The following MEIS2 variants were observed in gnomAD, a reference collection of about 807,000 sequenced individuals.
MEIS2 encodes homeobox protein Meis2.
Under a neutral mutation model 58.6 loss-of-function variants are expected in MEIS2, and 9 were observed. The observed-to-expected ratio is 0.15, with a 90% CI of 0.09 to 0.27. The LOEUF is 0.27. Among genes scored for constraint, MEIS2 ranks in the 10% least tolerant of loss-of-function variants. MEIS2 has a pLI of 1.00. For missense variants in MEIS2, 427 were observed against 635.0 expected, an observed-to-expected ratio of 0.67 and a Z score of 3.52; for synonymous variants, 221 against 228.4, an observed-to-expected ratio of 0.97 and a Z score of 0.29.
At chr15:37,025,753 CA>C (rs35154978) in intron 8 of MEIS2, among the ~76,000 whole-genome samples, 1,017 of 96,752 alleles carry the variant, frequency 0.011, 6 homozygotes, top group African/African-American at 0.025. Context: ...ACTTGCTCTG[CA>C]AAAAAAAAAA....
At chr15:36,915,372 T>A (rs1489862324) in intron 9 of MEIS2, among the ~76,000 whole-genome samples, 2 of 152,358 alleles carry the variant, frequency 1.3e-5, no homozygotes, top group Non-Finnish European at 2.9e-5. Context: ...GGAAGCTCTC[T>A]ACCTTGCTGA....
At chr15:36,944,474 T>C (rs564945729) in intron 9 of MEIS2, among the ~76,000 whole-genome samples, 1 of 152,096 alleles carries the variant, frequency 6.6e-6, no homozygotes, top group Non-Finnish European at 1.5e-5. Context: ...TGCTCTAGTT[T>C]AGCAAAAGAC....
intron 9 of MEIS2, among the ~76,000 whole-genome samples, chr15:36,922,746 G>A (rs911434393): frequency 2.1e-4 from 32 of 149,992 alleles, no homozygotes; most frequent in South Asian, 2.1e-4. Context: ...TCAGCTTCCC[G>A]AGTAGCTGGC....
At chr15:37,010,933 A>G (rs1183461638) in intron 8 of MEIS2, among the ~76,000 whole-genome samples, 2 of 152,226 alleles carry the variant, frequency 1.3e-5, no homozygotes, top group African/African-American at 4.8e-5. Flanking sequence ...GTTCACAAAC[A>G]CCGTCATTCT....
Position 36,920,258 on chromosome 15 carries a change from TCCTG to T in MEIS2, c.978-23576_978-23573del, listed in dbSNP as rs1356215563. Among the ~76,000 whole-genome samples the T allele has an allele frequency of 3.5e-4, 54 of 152,268 alleles. 1 individual carries two copies. Among genetic ancestry groups the T allele is most frequent in the Admixed American group, 3.5e-3 (53 of 15,302 alleles). ...TCCACCTCCCGGGTTCAAGCGATTC[TCCTG>T]CCTCAGTCTCCCTAGTAGCTGGGAT... is the stretch of plus-strand genomic sequence containing the variant. On this transcript the variant is annotated intron_variant, in intron 9 of 11. Transcript: ENST00000561208.
chr15:36,948,306 T>C (rs2058642159), intron 9 of MEIS2, among the ~76,000 whole-genome samples: 1 of 151,878 alleles, frequency 6.6e-6, no homozygotes, highest in Non-Finnish European at 1.5e-5. Context: ...CTGAACTCCG[T>C]GTATATGCCT....
intron 9 of MEIS2, among the ~76,000 whole-genome samples, chr15:36,907,122 CTA>C (rs1185122329): frequency 1.3e-5 from 2 of 152,124 alleles, no homozygotes; most frequent in East Asian, 1.9e-4. Flanking sequence ...ATATAAAAGA[CTA>C]TGTATTTTTA....
chr15:36,961,217 T>C (rs1379616125), intron 8 of MEIS2, among the ~76,000 whole-genome samples: 1 of 152,140 alleles, frequency 6.6e-6, no homozygotes, highest in Non-Finnish European at 1.5e-5. Flanking sequence ...CTAATTTGTA[T>C]ATAGACGAAA....
At chr15:36,969,958 C>A (rs915996341) in intron 8 of MEIS2, among the ~76,000 whole-genome samples, 6 of 151,988 alleles carry the variant, frequency 3.9e-5, no homozygotes, top group African/African-American at 1.5e-4. Flanking sequence ...CCCTTGTCTT[C>A]AAATATTTAA....
chr15:36,987,821 C>T (rs2141537683), intron 8 of MEIS2, among the ~76,000 whole-genome samples: 1 of 151,674 alleles, frequency 6.6e-6, no homozygotes, highest in East Asian at 1.9e-4. Context: ...AGTCACCAAA[C>T]TGACCACTGG....
chr15:37,077,344 G>T (rs1470076071), intron 7 of MEIS2, among the ~76,000 whole-genome samples: 1 of 152,010 alleles, frequency 6.6e-6, no homozygotes, highest in East Asian at 1.9e-4. Context: ...TTCCCCGAAA[G>T]CCCCCTACCC....
chr15:37,090,903 G>T (rs1193014953), intron 6 of MEIS2, among the ~76,000 whole-genome samples: 1 of 152,156 alleles, frequency 6.6e-6, no homozygotes, highest in Non-Finnish European at 1.5e-5. Flanking sequence ...GCTCAGATCA[G>T]AATAGTGGGC....
intron 9 of MEIS2, among the ~76,000 whole-genome samples, chr15:36,925,695 G>A (rs976768221): frequency 6.6e-6 from 1 of 152,114 alleles, no homozygotes; most frequent in African/African-American, 2.4e-5. Flanking sequence ...TAGCAAAATG[G>A]TAGCTCATAA....
intron 2 of MEIS2, chr15:37,097,198 C>G (rs961953453): frequency 1.3e-5 from 2 of 152,266 alleles, no homozygotes; most frequent in Admixed American, 1.3e-4. Context: ...TGCTTGCGGC[C>G]TCTGGCTTGG....
intron 7 of MEIS2, among the ~76,000 whole-genome samples, chr15:37,049,791 T>TC (rs1245118790): frequency 1.3e-5 from 2 of 151,896 alleles, no homozygotes; most frequent in East Asian, 1.9e-4. Context: ...CTGGCCTTTT[T>TC]TTTTTTTTTA....
At chr15:37,005,674 A>G (rs1178700238) in intron 8 of MEIS2, among the ~76,000 whole-genome samples, 1 of 152,124 alleles carries the variant, frequency 6.6e-6, no homozygotes, top group African/African-American at 2.4e-5. Context: ...TCCGCCTCTC[A>G]GCCTCCCAAG....
intron 8 of MEIS2, among the ~76,000 whole-genome samples, chr15:36,974,720 A>T (rs1251470957): frequency 2.6e-5 from 4 of 152,204 alleles, no homozygotes; most frequent in Non-Finnish European, 5.9e-5. Flanking sequence ...ATGAGGAACC[A>T]GGTCCTACTG....
chr15:36,911,269 A>ATGTG (rs1397582248), intron 9 of MEIS2, among the ~76,000 whole-genome samples: 6 of 118,518 alleles, frequency 5.1e-5, no homozygotes, highest in Non-Finnish European at 9.8e-5. Context: ...CTTAAGAATA[A>ATGTG]CGTGTGTGTG....
chr15:37,080,802 A>G (rs1010763490), intron 7 of MEIS2, among the ~76,000 whole-genome samples: 2 of 152,194 alleles, frequency 1.3e-5, no homozygotes, highest in African/African-American at 4.8e-5. Flanking sequence ...GTTCATATTT[A>G]TATAGCTTAC....
Sources: allele counts gnomAD v4.1 joint callset (sites outside exome capture counted in the v4.1 genomes callset), GRCh38; gene constraint gnomAD v4.1.1; transcripts MANE v1.5; gene names NCBI Gene and HGNC (gene_info 2026-07-23, HGNC 2026-07-21).